The following VCAM1 variants were observed in gnomAD, a reference collection of about 807,000 sequenced individuals.
VCAM1 encodes the protein vascular cell adhesion molecule 1.
A neutral mutation model predicts 63.8 loss-of-function variants in VCAM1; 41 were observed. The ratio of observed to expected loss-of-function variants is 0.64; its 90% CI spans 0.50 to 0.83. VCAM1 has a LOEUF of 0.83. Among genes scored for constraint, VCAM1 ranks in the 40% least tolerant of loss-of-function variants. The pLI is 0.00. For missense variants in VCAM1, 798 were observed against 875.5 expected (o/e 0.91, Z 1.12); for synonymous variants, 338 against 320.7 (o/e 1.05, Z -0.58).
Position 100,724,880 on chromosome 1 carries a change from A to G in VCAM1, c.918A>G (p.Leu306=). 7 of 1,612,482 alleles carry G rather than the reference A, an allele frequency of 4.3e-6. No homozygotes were observed. Among genetic ancestry groups the G allele is most frequent in the Non-Finnish European group, 5.9e-6 (7 of 1,179,046 alleles). Reference sequence around the variant, plus strand: ...GGAAAAACAGAAAAGAGGTGGAATTAATTGTTCAAGGTGAGTAGAATGTGA... The same window carrying G: ...GGAAAAACAGAAAAGAGGTGGAATTGATTGTTCAAGGTGAGTAGAATGTGA... ...LIGKNRKEVE[L]IVQEKPFTVE... is the part of the protein sequence containing the mutation. Residue 306 remains leucine (L), a synonymous_variant, in exon 4 of 9, where the codon TTA becomes TTG. Transcript: ENST00000294728.
At position 100,734,501 on chromosome 1, in the gene VCAM1, G is replaced by T. The variant is rs781308663; in HGVS notation, c.1793-1G>T. On this transcript the variant is annotated splice_acceptor_variant, in intron 7 of 8. Transcript: ENST00000294728. LOFTEE classifies it high-confidence loss of function. ...GGATGTCTTTTAAATTCTCTTTACA[G>T]TTACTCCAAAAGACATAAAACTTAC... is the stretch of plus-strand genomic sequence containing the variant. The T allele has an allele frequency of 2.5e-6, 4 of 1,608,840 alleles. No individual in the cohort carries two copies. The South Asian group carries it at 4.4e-5, about 18-fold the overall frequency.
chr1:100,719,794 C>T lies in VCAM1; in HGVS notation c.-67C>T. 6.5e-7 allele frequency: 1 copy of T among 1,542,514 alleles called. No homozygotes were observed. Among genetic ancestry groups the T allele is most frequent in the Non-Finnish European group, 8.9e-7 (1 of 1,124,772 alleles). The stretch of plus-strand genomic sequence containing the variant: ...TTCAGGAGCTGAATACCCTCCCAGG[C>T]ACACACAGGTGGGACACAAATAAGG... On this transcript the variant is annotated 5_prime_UTR_variant, in exon 1 of 9. Transcript: ENST00000294728.
chr1:100,734,390 C>G, intron 7 of VCAM1, 112 bp from the exon 8 acceptor site: 1 of 1,199,570 alleles, frequency 8.3e-7, no homozygotes, highest in Non-Finnish European at 1.1e-6. Context: ...ACATTTAATG[C>G]AAACGCTAAG....
chr1:100,734,839 A>G (rs1298294942), intron 8 of VCAM1, 71 bp downstream of exon 8: 3 of 1,533,660 alleles, frequency 2.0e-6, no homozygotes, highest in Admixed American at 2.1e-5. Flanking sequence ...AGAGTTTCCA[A>G]TATTTGATGA....
chr1:100,733,657 T>C (rs1660548273), intron 7 of VCAM1, among the ~76,000 whole-genome samples: 1 of 152,116 alleles, frequency 6.6e-6, no homozygotes, highest in African/African-American at 2.4e-5. Flanking sequence ...TTAATAGAGA[T>C]GTTATATGTC....
intron 3 of VCAM1, among the ~76,000 whole-genome samples, chr1:100,724,195 T>G (rs1416526431): frequency 2.6e-5 from 4 of 152,072 alleles, no homozygotes; most frequent in Non-Finnish European, 2.9e-5. Flanking sequence ...TTTAAAATAG[T>G]ATAGAGAGAA....
At chr1:100,725,142 C>G (rs1012406164) in intron 4 of VCAM1, among the ~76,000 whole-genome samples, 10 of 151,854 alleles carry the variant, frequency 6.6e-5, no homozygotes, top group Non-Finnish European at 1.3e-4. Flanking sequence ...CATTCCCTCA[C>G]TTTCTCTCTT....
intron 5 of VCAM1, 115 bp downstream of exon 5, chr1:100,729,497 T>G: frequency 7.8e-7 from 1 of 1,282,558 alleles, no homozygotes; most frequent in Admixed American, 2.5e-5. Context: ...GAATTTAGCC[T>G]TGTGAATTTT....
chr1:100,723,272 A>C lies in VCAM1; in HGVS notation c.593A>C (p.Lys198Thr). ...DIGKVLVCRA[K>T]LHIDEMDSVP... ...GGAAAAGTTCTTGTTTGCCGAGCTA[A>C]ATTACACATTGATGAAATGGATTCT... is the stretch of plus-strand genomic sequence containing the variant. Residue 198 changes from lysine to threonine, a missense_variant, in exon 3 of 9, where the codon AAA becomes ACA. Transcript: ENST00000294728. The C allele has an allele frequency of 6.2e-7, 1 of 1,613,154 alleles. No homozygotes were observed. The highest frequency in any genetic ancestry group is 1.3e-5 in the African/African-American group (1 of 74,970).
At position 100,720,520 on chromosome 1, in the gene VCAM1, G is replaced by T; in HGVS notation, c.109G>T (p.Ala37Ser). ...IETTPESRYL[A>S]QIGDSVSLTC... The stretch of plus-strand genomic sequence containing the variant: ...GACCACCCCAGAATCTAGATATCTT[G>T]CTCAGATTGGTGACTCCGTCTCATT... The change falls in exon 2 of 9, where the codon GCT becomes TCT. Residue 37 changes from alanine to serine, a missense_variant. Ala to Ser is a moderately conservative substitution (Grantham distance 99). Transcript: ENST00000294728. 6.2e-7 allele frequency: 1 copy of T among 1,613,122 alleles called. No homozygotes were observed. Among genetic ancestry groups the T allele is most frequent in the South Asian group, 1.1e-5 (1 of 91,024 alleles).
Position 100,735,243 on chromosome 1 carries a change from C to T in VCAM1, c.2059+475C>T, listed in dbSNP as rs3917069. ...GAATAGTAAACTTGATCCTGAACAA[C>T]ATAAAAAAATCTCTCGACTATCGAA... On this transcript the variant is annotated intron_variant, in intron 8 of 8. Transcript: ENST00000294728. 1,111 of 153,994 alleles carry T rather than the reference C, an allele frequency of 7.2e-3. 15 individuals carry two copies. The highest frequency in any genetic ancestry group is 0.025 in the African/African-American group (1,044 of 41,534). The allele number at this position is 153,994 out of a possible 1,614,324, so 9.5% of individuals were successfully genotyped here.
rs1286460191 is a variant in VCAM1 at position 100,732,513 on chromosome 1, G to C, written c.1621G>C (p.Ala541Pro). ...GACATGCTTGAGCCAGGGCTTTCCT[G>C]CTCCGAAAATCCTGTGGAGCAGGCA... ...NMTCLSQGFP[A>P]PKILWSRQLP... Residue 541 changes from alanine to proline, a missense_variant, in exon 7 of 9, where the codon GCT becomes CCT. Coordinates refer to ENST00000294728, the MANE Select transcript of VCAM1 (RefSeq NM_001078.4). The C allele has an allele frequency of 6.2e-7, 1 of 1,613,174 alleles. No homozygotes were observed. The highest frequency in any genetic ancestry group is 1.3e-5 in the African/African-American group (1 of 74,982).
Position 100,724,886 on chromosome 1 carries a change from T to G in VCAM1, c.924T>G (p.Val308=), listed in dbSNP as rs1428603482. 1 of 1,612,268 alleles carries G rather than the reference T, an allele frequency of 6.2e-7. No homozygotes were observed. The highest frequency in any genetic ancestry group is 1.1e-5 in the South Asian group (1 of 90,994). ...GKNRKEVELI[V]QEKPFTVEIS... is the part of the protein sequence containing the mutation. ...ACAGAAAAGAGGTGGAATTAATTGT[T>G]CAAGGTGAGTAGAATGTGAAAAAGG... The change falls in exon 4 of 9, where the codon GTT becomes GTG. Residue 308 remains valine, a synonymous_variant. Coordinates refer to ENST00000294728, the MANE Select transcript of VCAM1 (RefSeq NM_001078.4).
chr1:100,739,045 A>G lies in VCAM1; in HGVS notation c.*762A>G, dbSNP rs547431804. 3.3e-5 allele frequency: 5 copies of G among 152,318 alleles called. No individual in the cohort carries two copies. The highest frequency in any genetic ancestry group is 1.2e-4 in the African/African-American group (5 of 41,570). 9.4% of individuals were successfully genotyped at this position (152,318 alleles called of 1,614,324 possible). A position where few individuals can be genotyped will look rare whatever the true frequency, so the allele number is the denominator to read the frequency against. On this transcript the variant is annotated 3_prime_UTR_variant, in exon 9 of 9. Coordinates refer to ENST00000294728, the MANE Select transcript of VCAM1 (RefSeq NM_001078.4). ...TAAAGTGATAATTTCTGGAATTAGA[A>G]TGGTTGTATGTTTATTTATTATAAA...
At chr1:100,722,942 T>G in intron 2 of VCAM1, 78 bp from the exon 3 acceptor site, 1 of 1,431,890 alleles carries the variant, frequency 7.0e-7, no homozygotes, top group Non-Finnish European at 9.3e-7. Flanking sequence ...AGACTTGATT[T>G]GTATTGTGTT....
rs3783613 is a variant in VCAM1, at chr1:100,731,231, G to C, written c.1238G>C (p.Gly413Ala). The C allele has an allele frequency of 6.9e-3, 11,191 of 1,612,820 alleles. 616 individuals are homozygous for C. In the African/African-American group the frequency reaches 0.13, roughly 18 times the overall value. The change falls in exon 6 of 9, where the codon GGT becomes GCT. Residue 413 changes from glycine (G) to alanine (A), a missense_variant. Transcript: ENST00000294728. The surrounding 1 kb of genome is among the most constrained non-coding windows in gnomAD (Gnocchi z 4.2). ...AGAGATCCAGAAATCGAGATGAGTGGTGGCCTCGTGAATGGGAGCTCTGTC... is the reference window on the plus strand; with the variant it reads ...AGAGATCCAGAAATCGAGATGAGTGCTGGCCTCGTGAATGGGAGCTCTGTC... ...FPRDPEIEMS[G>A]GLVNGSSVTV...
At chr1:100,729,521 A>G in intron 5 of VCAM1, 139 bp downstream of exon 5, 2 of 1,076,198 alleles carry the variant, frequency 1.9e-6, no homozygotes, top group East Asian at 5.1e-5. Context: ...CCTAAATCTG[A>G]ATCAGAATGG....
At position 100,732,454 on chromosome 1, in the gene VCAM1, C is replaced by A. The variant is rs753065002; in HGVS notation, c.1562C>A (p.Ser521Tyr). The A allele has an allele frequency of 6.2e-7, 1 of 1,600,450 alleles. No homozygotes were observed. Among genetic ancestry groups the A allele is most frequent in the Admixed American group, 1.8e-5 (1 of 56,802 alleles). The change falls in exon 7 of 9, where the codon TCC (serine) becomes TAC (tyrosine). Residue 521 changes from serine (S) to tyrosine (Y), a missense_variant. Ser to Tyr is a moderately radical substitution (Grantham distance 144). Transcript: ENST00000294728. ...GATACAACCGTCTTGGTCAGCCCTTCCTCCATCCTGGAGGAAGGCAGTTCT... is the reference window on the plus strand; with the variant it reads ...GATACAACCGTCTTGGTCAGCCCTTACTCCATCCTGGAGGAAGGCAGTTCT... The part of the protein sequence containing the change: ...PRDTTVLVSP[S>Y]SILEEGSSVN...
Position 100,738,315 on chromosome 1 carries a change from A to G in VCAM1, c.*32A>G, listed in dbSNP as rs201567943. On this transcript the variant is annotated 3_prime_UTR_variant, in exon 9 of 9. Coordinates refer to ENST00000294728, the MANE Select transcript of VCAM1 (RefSeq NM_001078.4). ...CTTGATATGTTCAACTGGAGACACT[A>G]TTTATCTGTGCAAATCCTTGATACT... 3.2e-5 allele frequency: 51 copies of G among 1,602,260 alleles called. No homozygotes were observed. The highest frequency in any genetic ancestry group is 4.2e-5 in the Non-Finnish European group (49 of 1,173,252).
Sources: allele counts gnomAD v4.1 joint callset (sites outside exome capture counted in the v4.1 genomes callset), GRCh38; gene constraint gnomAD v4.1.1; non-coding constraint Gnocchi (gnomAD v3.1); transcripts MANE v1.5; gene names NCBI Gene and HGNC (gene_info 2026-07-23, HGNC 2026-07-21).